Variants in FGF12 observed in about 807,000 individuals in gnomAD.
The protein encoded by FGF12 is fibroblast growth factor 12, also known as fibroblast growth factor 12B.
Under a neutral mutation model 23.6 loss-of-function variants are expected in FGF12, and 14 were observed. The observed-to-expected ratio is 0.59, with a 90% CI of 0.39 to 0.93. The LOEUF (loss-of-function observed/expected upper bound fraction) is 0.93, where lower values mean the gene tolerates loss of function less well. Ranked by LOEUF, FGF12 falls within the 40% of genes least tolerant of loss-of-function variation. The probability of loss-of-function intolerance (pLI) is 0.00; values close to 1 mark genes in which losing one functional copy is unlikely to be tolerated. For missense variants in FGF12, 175 were observed against 217.8 expected (o/e 0.80, Z 1.24); for synonymous variants, 62 against 77.3 (o/e 0.80, Z 1.04).
chr3:192,630,875 G>T (rs1414731963), intron 2 of FGF12, among the ~76,000 whole-genome samples: 1 of 151,166 alleles, frequency 6.6e-6, no homozygotes, highest in Non-Finnish European at 1.5e-5. Context: ...TTTTTTCTTA[G>T]AAAAACTATA....
At chr3:192,243,642 C>T (rs545510790) in intron 4 of FGF12, among the ~76,000 whole-genome samples, 20 of 150,978 alleles carry the variant, frequency 1.3e-4, no homozygotes, top group Admixed American at 2.6e-4. Context: ...TAAATGACAA[C>T]GGAATAGGAA....
At chr3:192,179,612 C>G (rs1716058140) in intron 4 of FGF12, among the ~76,000 whole-genome samples, 1 of 150,848 alleles carries the variant, frequency 6.6e-6, no homozygotes, top group Non-Finnish European at 1.5e-5. Flanking sequence ...GCGGCACAAT[C>G]TTTGCTCACT....
chr3:192,701,532 T>C (rs548080734), intron 2 of FGF12, among the ~76,000 whole-genome samples: 81 of 152,242 alleles, frequency 5.3e-4, no homozygotes, highest in African/African-American at 1.9e-3. Context: ...AAAAATATTG[T>C]GCTGACAGAA....
chr3:192,337,826 A>C (rs1241551887), intron 3 of FGF12, among the ~76,000 whole-genome samples: 1 of 152,186 alleles, frequency 6.6e-6, no homozygotes, highest in Non-Finnish European at 1.5e-5. Context: ...CCATAAGACT[A>C]TTGTAAAAAC....
intron 4 of FGF12, among the ~76,000 whole-genome samples, chr3:192,295,910 T>C (rs1299737068): frequency 6.6e-6 from 1 of 151,894 alleles, no homozygotes; most frequent in Non-Finnish European, 1.5e-5. Flanking sequence ...TGAGACAAGG[T>C]CTTGCTCTGT....
At chr3:192,339,449 G>A (rs889127559) in intron 3 of FGF12, among the ~76,000 whole-genome samples, 5 of 152,060 alleles carry the variant, frequency 3.3e-5, no homozygotes, top group African/African-American at 7.2e-5. Flanking sequence ...TGTCTCCAAT[G>A]TCCTTTACAA....
chr3:192,649,707 C>G (rs1389028752), intron 2 of FGF12, among the ~76,000 whole-genome samples: 3 of 149,272 alleles, frequency 2.0e-5, no homozygotes, highest in Admixed American at 1.3e-4. Context: ...AGGCGTGCAC[C>G]GTCACATGCC....
intron 4 of FGF12, among the ~76,000 whole-genome samples, chr3:192,297,940 A>T (rs1715134762): frequency 6.6e-6 from 1 of 152,086 alleles, no homozygotes. Context: ...GTTTTTCCAT[A>T]CATTCTCAAA....
At chr3:192,378,130 T>C (rs1457443894) in intron 2 of FGF12, among the ~76,000 whole-genome samples, 1 of 146,976 alleles carries the variant, frequency 6.8e-6, no homozygotes, top group Non-Finnish European at 1.5e-5. Context: ...TGTTTTTTTT[T>C]CTCAGTGTCT....
intron 2 of FGF12, among the ~76,000 whole-genome samples, chr3:192,585,026 A>T (rs200921655): frequency 9.6e-4 from 37 of 38,544 alleles, no homozygotes; most frequent in African/African-American, 5.5e-3. Context: ...ATTTTCAGAT[A>T]AAAAAATTCT....
chr3:192,212,557 T>C (rs1214461401), intron 4 of FGF12, among the ~76,000 whole-genome samples: 1 of 152,202 alleles, frequency 6.6e-6, no homozygotes, highest in Non-Finnish European at 1.5e-5. Context: ...GAAAATGCAG[T>C]AAACTGGGCT....
chr3:192,711,940 C>CAAAAAAAA (rs60779864), intron 2 of FGF12, among the ~76,000 whole-genome samples: 2 of 50,824 alleles, frequency 3.9e-5, no homozygotes, highest in Admixed American at 2.1e-4. Context: ...CAAGAACGAT[C>CAAAAAAAA]AAAAAAAAAA....
intron 2 of FGF12, among the ~76,000 whole-genome samples, chr3:192,454,798 C>T (rs547780275): frequency 1.3e-5 from 2 of 152,300 alleles, no homozygotes; most frequent in South Asian, 4.1e-4. Flanking sequence ...AAAGGTGTCA[C>T]ACTAGAGAAC....
chr3:192,207,038 G>A (rs1223390702), intron 4 of FGF12, among the ~76,000 whole-genome samples: 1 of 151,996 alleles, frequency 6.6e-6, no homozygotes, highest in East Asian at 1.9e-4. Flanking sequence ...ATATTATATT[G>A]GGAAAAAAAT....
At chr3:192,488,022 C>T (rs1246629698) in intron 2 of FGF12, among the ~76,000 whole-genome samples, 3 of 152,054 alleles carry the variant, frequency 2.0e-5, no homozygotes, top group Non-Finnish European at 4.4e-5. Context: ...CATGCTCATG[C>T]TTGCTGACAA....
Position 192,197,219 on chromosome 3 carries a change from A to G in FGF12, c.229-26563T>C, listed in dbSNP as rs184582630. On this transcript the variant is annotated intron_variant, in intron 4 of 5. Coordinates refer to ENST00000445105, the MANE Select transcript of FGF12 (RefSeq NM_004113.6). ...ATGTATTTTTAGTGATGTTTGTTTT[A>G]CACTCTGTATTCTTCTCGGTGCCTA... 2.6e-5 allele frequency among the ~76,000 whole-genome samples: 4 copies of G among 152,034 alleles called. 1 individual carries two copies. Among genetic ancestry groups the G allele is most frequent in the Middle Eastern group, 6.8e-3 (2 of 294 alleles).
intron 2 of FGF12, among the ~76,000 whole-genome samples, chr3:192,699,877 T>C (rs749552119): frequency 2.6e-5 from 4 of 152,172 alleles, no homozygotes; most frequent in Non-Finnish European, 4.4e-5. Flanking sequence ...TGAGAGACAA[T>C]GTCCCATGCT....
chr3:192,589,168 C>T (rs1197883046), intron 2 of FGF12, among the ~76,000 whole-genome samples: 1 of 151,674 alleles, frequency 6.6e-6, no homozygotes, highest in Non-Finnish European at 1.5e-5. Context: ...AACCCCATCT[C>T]TACTAAAAAC....
rs114499801 is a variant in FGF12 at position 192,632,965 on chromosome 3, A to G, written c.13+94216T>C. ...CTTGGTGTTCTTGGCTCATCGATGC[A>G]TCAATTCAGCCTCTGCTTTCATCCC... On this transcript the variant is annotated intron_variant, in intron 2 of 5. Coordinates refer to ENST00000445105, the MANE Select transcript of FGF12 (RefSeq NM_004113.6). Among the ~76,000 whole-genome samples, 778 of 152,170 alleles carry G rather than the reference A, an allele frequency of 5.1e-3. 6 individuals carry two copies. Among genetic ancestry groups the G allele is most frequent in the African/African-American group, 0.017 (720 of 41,520 alleles).
Sources: allele counts gnomAD v4.1 joint callset (sites outside exome capture counted in the v4.1 genomes callset), GRCh38; gene constraint gnomAD v4.1.1; transcripts MANE v1.5; gene names NCBI Gene and HGNC (gene_info 2026-07-23, HGNC 2026-07-21).